Variants in NCKAP1 observed in about 807,000 individuals in gnomAD.
NCKAP1 encodes NCK associated protein 1, also known as nck-associated protein 1.
A neutral mutation model predicts 151.2 loss-of-function variants in NCKAP1; 21 were observed. The observed-to-expected ratio is 0.14, with a 90% CI of 0.10 to 0.20. The LOEUF (loss-of-function observed/expected upper bound fraction) is 0.20, where lower values mean the gene tolerates loss of function less well. Ranked by LOEUF, NCKAP1 falls within the 10% of genes least tolerant of loss-of-function variation. NCKAP1 has a pLI of 1.00. For missense variants in NCKAP1, 933 were observed against 1,352.1 expected (o/e 0.69, Z 4.86); for synonymous variants, 484 against 451.8 (o/e 1.07, Z -0.90).
At chr2:182,960,065 C>A (rs969239083) in intron 18 of NCKAP1, among the ~76,000 whole-genome samples, 1 of 152,240 alleles carries the variant, frequency 6.6e-6, no homozygotes, top group Admixed American at 6.5e-5. Context: ...CAAATCACTG[C>A]TCAATGAAAT....
intron 2 of NCKAP1, among the ~76,000 whole-genome samples, chr2:183,015,734 T>C (rs1403556465): frequency 6.6e-6 from 1 of 151,708 alleles, no homozygotes; most frequent in Non-Finnish European, 1.5e-5. Context: ...TAGGCCTTTA[T>C]TAATATTTAA....
intron 1 of NCKAP1, among the ~76,000 whole-genome samples, chr2:183,031,963 A>C (rs1432159458): frequency 6.6e-6 from 1 of 152,186 alleles, no homozygotes; most frequent in Non-Finnish European, 1.5e-5. Flanking sequence ...AAATTAAATC[A>C]CCACAGTTAA....
At chr2:183,009,211 T>G (rs1048982856) in intron 2 of NCKAP1, among the ~76,000 whole-genome samples, 1 of 151,882 alleles carries the variant, frequency 6.6e-6, no homozygotes, top group African/African-American at 2.4e-5. Context: ...CCATCTCTAC[T>G]AAAAATACAA....
At chr2:182,996,298 G>C (rs2105869524) in intron 6 of NCKAP1, among the ~76,000 whole-genome samples, 1 of 152,246 alleles carries the variant, frequency 6.6e-6, no homozygotes, top group Non-Finnish European at 1.5e-5. Flanking sequence ...ATAATACACT[G>C]TACCTCATCT....
At chr2:182,970,849 A>T (rs1203251241) in intron 15 of NCKAP1, among the ~76,000 whole-genome samples, 1 of 93,300 alleles carries the variant, frequency 1.1e-5, no homozygotes, top group East Asian at 3.2e-4. Flanking sequence ...AAAATATGAT[A>T]TTATATTTAC....
chr2:182,962,078 G>A (rs142034929), intron 18 of NCKAP1, 81 bp downstream of exon 18: 1 of 1,424,370 alleles, frequency 7.0e-7, no homozygotes, highest in African/African-American at 1.4e-5. Context: ...AGAATGGAAA[G>A]TAAAACAACA....
intron 26 of NCKAP1, among the ~76,000 whole-genome samples, chr2:182,932,380 T>C (rs893252028): frequency 2.0e-5 from 3 of 152,098 alleles, no homozygotes; most frequent in East Asian, 1.9e-4. Context: ...CTACACATGA[T>C]GATTTATGTA....
chr2:183,009,470 G>GGAAT (rs1698547571), intron 2 of NCKAP1, among the ~76,000 whole-genome samples: 1 of 149,406 alleles, frequency 6.7e-6, no homozygotes, highest in Non-Finnish European at 1.5e-5. Context: ...AAGGAAGGAA[G>GGAAT]GAAGGAAGCA....
intron 10 of NCKAP1, among the ~76,000 whole-genome samples, chr2:182,985,765 T>G (rs1379299900): frequency 6.8e-6 from 1 of 147,294 alleles, no homozygotes; most frequent in Non-Finnish European, 1.5e-5. Context: ...ATGGTATCAC[T>G]GCACTCCAGC....
chr2:183,020,477 A>G lies in NCKAP1; in HGVS notation c.219+3329T>C, dbSNP rs578108618. Among the ~76,000 whole-genome samples, 17 of 145,704 alleles carry G rather than the reference A, an allele frequency of 1.2e-4. 1 individual carries two copies. The highest frequency in any genetic ancestry group is 1.1e-3 in the Admixed American group (16 of 14,626). ...AGGACCGTGTCCCAAAAAAAAAAAAAAAAGAAAAAAAAGAAAAAAAAATTT... is the reference window on the plus strand; with the variant it reads ...AGGACCGTGTCCCAAAAAAAAAAAAGAAAGAAAAAAAAGAAAAAAAAATTT... On this transcript the variant is annotated intron_variant, in intron 2 of 30. Coordinates refer to ENST00000361354, the MANE Select transcript of NCKAP1 (RefSeq NM_013436.5).
chr2:182,970,397 A>G (rs1285177458), intron 15 of NCKAP1, among the ~76,000 whole-genome samples: 2 of 152,176 alleles, frequency 1.3e-5, no homozygotes, highest in Non-Finnish European at 2.9e-5. Context: ...TCAACAACAC[A>G]CTGAACAGAT....
intron 26 of NCKAP1, among the ~76,000 whole-genome samples, chr2:182,932,863 T>G (rs1696794335): frequency 6.6e-6 from 1 of 152,204 alleles, no homozygotes; most frequent in African/African-American, 2.4e-5. Context: ...GGAAATCATT[T>G]TGAGCTATTT....
At chr2:182,937,857 T>C (rs983636446) in intron 24 of NCKAP1, among the ~76,000 whole-genome samples, 15 of 152,088 alleles carry the variant, frequency 9.9e-5, no homozygotes, top group African/African-American at 2.9e-4. Flanking sequence ...GGTAACAAAA[T>C]AGTCAATAAA....
Position 182,928,738 on chromosome 2 carries a change from A to G in NCKAP1, c.3070+45T>C, listed in dbSNP as rs376574613. 5 of 1,295,098 alleles carry G rather than the reference A, an allele frequency of 3.9e-6. No homozygotes were observed. The African/African-American group carries it at 7.6e-5, about 20-fold the overall frequency. The allele number at this position is 1,295,098 out of a possible 1,614,324, so 80.2% of individuals were successfully genotyped here. Reference sequence around the variant, plus strand: ...TCATATTTTATTATAAAATACCAAAACCCATGATTTATTCATCGCCAAAAC... The same window carrying G: ...TCATATTTTATTATAAAATACCAAAGCCCATGATTTATTCATCGCCAAAAC... On this transcript the variant is annotated intron_variant, in intron 28 of 30. Coordinates refer to ENST00000361354, the MANE Select transcript of NCKAP1 (RefSeq NM_013436.5).
chr2:183,021,776 G>A (rs1301115685), intron 2 of NCKAP1, among the ~76,000 whole-genome samples: 1 of 152,126 alleles, frequency 6.6e-6, no homozygotes, highest in Non-Finnish European at 1.5e-5. Flanking sequence ...GGTTGCCTTA[G>A]GGCAGGGGTG....
chr2:182,956,432 C>T, intron 20 of NCKAP1, 30 bp downstream of exon 20: 1 of 1,597,596 alleles, frequency 6.3e-7, no homozygotes. Context: ...ACTGAGTCAA[C>T]AAACAAAAAC....
At position 182,956,513 on chromosome 2, in the gene NCKAP1, G is replaced by T; in HGVS notation, c.2102C>A (p.Thr701Asn). The T allele has an allele frequency of 3.7e-6, 6 of 1,611,008 alleles. No homozygotes were observed. The highest frequency in any genetic ancestry group is 5.1e-6 in the Non-Finnish European group (6 of 1,178,254). Residue 701 changes from threonine (T) to asparagine (N), a missense_variant, in exon 20 of 31, where the codon ACC becomes AAC. Transcript: ENST00000361354. ...AGTCAAATATTCTCGTGGGGTAAAG[G>T]TATGTTCCCATACCACCATGTTTGG... ...YVPNMVVWEH[T>N]FTPREYLTSH...
At chr2:183,011,358 A>T (rs1190390459) in intron 2 of NCKAP1, among the ~76,000 whole-genome samples, 1 of 152,184 alleles carries the variant, frequency 6.6e-6, no homozygotes, top group East Asian at 1.9e-4. Context: ...AATTTTAGTA[A>T]ATTAGAGTTG....
At chr2:182,936,651 A>G (rs1037863074) in intron 24 of NCKAP1, among the ~76,000 whole-genome samples, 1 of 152,172 alleles carries the variant, frequency 6.6e-6, no homozygotes, top group African/African-American at 2.4e-5. Flanking sequence ...AACTTTGACC[A>G]TAGCATCTTT....
Sources: allele counts gnomAD v4.1 joint callset (sites outside exome capture counted in the v4.1 genomes callset), GRCh38; gene constraint gnomAD v4.1.1; transcripts MANE v1.5; gene names NCBI Gene and HGNC (gene_info 2026-07-23, HGNC 2026-07-21).